Variants in CSNK1D observed in about 807,000 individuals in gnomAD.
CSNK1D encodes the protein casein kinase 1 delta.
A neutral mutation model predicts 46.6 loss-of-function variants in CSNK1D; 16 were observed. The ratio of observed to expected loss-of-function variants is 0.34; its 90% CI spans 0.23 to 0.52. CSNK1D has a LOEUF of 0.52. Among genes scored for constraint, CSNK1D ranks in the 20% least tolerant of loss-of-function variants. The pLI, the probability that CSNK1D is intolerant of heterozygous loss-of-function variation, is 0.95. For synonymous variants in CSNK1D, 276 were observed against 228.2 expected (o/e 1.21, Z -1.89); for missense variants, 398 against 578.4 (o/e 0.69, Z 3.20).
At chr17:82,259,648 T>C (rs1406900383) in intron 2 of CSNK1D, among the ~76,000 whole-genome samples, 1 of 152,252 alleles carries the variant, frequency 6.6e-6, no homozygotes, top group African/African-American at 2.4e-5. Flanking sequence ...ACAAAAGCAC[T>C]GTCCCTAACA....
chr17:82,247,631 A>G, intron 8 of CSNK1D: 4 of 985,470 alleles, frequency 4.1e-6, no homozygotes, highest in Non-Finnish European at 4.8e-6. Context: ...GGAACTGCTC[A>G]CAGGAACTGA....
At position 82,251,549 on chromosome 17, in the gene CSNK1D, G is replaced by A. The variant is rs2051009109; in HGVS notation, c.737-22C>T. ...TCGGCTACAAAACAAGAAACTCAAA[G>A]CTAACTCATGAAACCCAACTGCGAC... On this transcript the variant is annotated intron_variant, in intron 5 of 8. Coordinates refer to ENST00000314028, the MANE Select transcript of CSNK1D (RefSeq NM_001893.6). This position sits in a 1 kb window ranked among gnomAD's most constrained non-coding sequence, Gnocchi z 4.5. The A allele has an allele frequency of 6.2e-7, 1 of 1,613,300 alleles. No individual in the cohort carries two copies. The highest frequency in any genetic ancestry group is 1.3e-5 in the African/African-American group (1 of 74,868).
intron 1 of CSNK1D, among the ~76,000 whole-genome samples, chr17:82,267,329 G>T (rs975732559): frequency 5.3e-5 from 8 of 152,268 alleles, no homozygotes; most frequent in African/African-American, 1.7e-4. Flanking sequence ...TTTAAGATAA[G>T]GTTCCCTGAT....
Position 82,250,921 on chromosome 17 carries a change from G to A in CSNK1D, c.885+458C>T, listed in dbSNP as rs528142087. Reference sequence around the variant, plus strand: ...AGAGGCTCCACTGCATACTCACACCGCATCAAGAAAGCCACAGGGAAAATC... The same window carrying A: ...AGAGGCTCCACTGCATACTCACACCACATCAAGAAAGCCACAGGGAAAATC... On this transcript the variant is annotated intron_variant, in intron 6 of 8. Transcript: ENST00000314028. This position sits in a 1 kb window ranked among gnomAD's most constrained non-coding sequence, Gnocchi z 4.6. 8 of 250,406 alleles carry A rather than the reference G, an allele frequency of 3.2e-5. 1 individual carries two copies. The highest frequency in any genetic ancestry group is 2.1e-4 in the East Asian group (2 of 9,698). 15.5% of individuals were successfully genotyped at this position (250,406 alleles called of 1,614,324 possible). A position where few individuals can be genotyped will look rare whatever the true frequency, so the allele number is the denominator to read the frequency against.
chr17:82,244,005 C>G lies in CSNK1D; in HGVS notation c.*776G>C. On this transcript the variant is annotated 3_prime_UTR_variant, in exon 9 of 9. Coordinates refer to ENST00000314028, the MANE Select transcript of CSNK1D (RefSeq NM_001893.6). Reference sequence around the variant, plus strand: ...TTGCCTGGTAACACCCACTGCACCCCTGCCCCGCGGCAGCCTGCGGTCCCT... The same window carrying G: ...TTGCCTGGTAACACCCACTGCACCCGTGCCCCGCGGCAGCCTGCGGTCCCT... The G allele has an allele frequency of 1.0e-6, 1 of 987,272 alleles. No homozygotes were observed. Among genetic ancestry groups the G allele is most frequent in the Non-Finnish European group, 1.2e-6 (1 of 831,142 alleles). 61.2% of individuals were successfully genotyped at this position (987,272 alleles called of 1,614,324 possible). A position where few individuals can be genotyped will look rare whatever the true frequency, so the allele number is the denominator to read the frequency against.
At position 82,273,593 on chromosome 17, in the gene CSNK1D, C is replaced by G. The variant is rs1182412526; in HGVS notation, c.-212G>C. The G allele has an allele frequency of 6.8e-6, 4 of 588,482 alleles. No individual in the cohort carries two copies. In the Admixed American group the frequency reaches 9.6e-5, roughly 14 times the overall value. The allele number at this position is 588,482 out of a possible 1,614,324, so 36.5% of individuals were successfully genotyped here. ...CAGTCCGAGCGCCGCCGCCGCTGCT[C>G]CGGCCCCTACCGGTCCCGCTTGCCC... On this transcript the variant is annotated 5_prime_UTR_variant, in exon 1 of 9. Transcript: ENST00000314028. This position sits in a 1 kb window ranked among gnomAD's most constrained non-coding sequence, Gnocchi z 5.1.
intron 3 of CSNK1D, among the ~76,000 whole-genome samples, chr17:82,254,957 G>C (rs111240879): frequency 3.2e-4 from 44 of 136,818 alleles, no homozygotes; most frequent in African/African-American, 1.0e-3. Context: ...ACAAGCCAGT[G>C]AGCTGAGCCG....
At chr17:82,247,759 CCT>C (rs1318776166) in intron 8 of CSNK1D, 1 of 985,308 alleles carries the variant, frequency 1.0e-6, no homozygotes, top group African/African-American at 1.7e-5. Flanking sequence ...AGCCCAGACC[CCT>C]CGAGCCCAAT....
Position 82,243,018 on chromosome 17 carries a change from G to T in CSNK1D, c.*1763C>A. ...GGGGGACGTCTACCTTCAAGAAGGG[G>T]TCCAGCAACAAAGAAAATCTCTTAA... On this transcript the variant is annotated 3_prime_UTR_variant, in exon 9 of 9. Transcript: ENST00000314028. The T allele has an allele frequency of 1.0e-6, 1 of 985,454 alleles. No homozygotes were observed. The highest frequency in any genetic ancestry group is 1.2e-6 in the Non-Finnish European group (1 of 829,948). 61.0% of individuals were successfully genotyped at this position (985,454 alleles called of 1,614,324 possible).
Position 82,249,226 on chromosome 17 carries a change from G to T in CSNK1D, c.1057+205C>A. On this transcript the variant is annotated intron_variant, in intron 7 of 8. Coordinates refer to ENST00000314028, the MANE Select transcript of CSNK1D (RefSeq NM_001893.6). This position sits in a 1 kb window ranked among gnomAD's most constrained non-coding sequence, Gnocchi z 6.7. ...AGGGGCTCACAGGGGAGGAACGTGA[G>T]ATGCGGGAGGAATCACGCACACCAG... The T allele has an allele frequency of 1.3e-6, 1 of 757,776 alleles. No homozygotes were observed. 46.9% of individuals were successfully genotyped at this position (757,776 alleles called of 1,614,324 possible). A position where few individuals can be genotyped will look rare whatever the true frequency, so the allele number is the denominator to read the frequency against.
chr17:82,249,004 G>A lies in CSNK1D; in HGVS notation c.1068C>T (p.Ser356=), dbSNP rs1369765801. Residue 356 remains serine, a synonymous_variant, in exon 8 of 9, where the codon TCC becomes TCT. Coordinates refer to ENST00000314028, the MANE Select transcript of CSNK1D (RefSeq NM_001893.6). The surrounding 1 kb of genome is among the most constrained non-coding windows in gnomAD (Gnocchi z 6.7). ...TCTCCATGCCGGAGACGGGCCGGGG[G>A]GAGGTGTTAGCTGAGGACAGGGAGA... ...LTPTSHTANT[S]PRPVSGMERE... 30 of 1,560,342 alleles carry A rather than the reference G, an allele frequency of 1.9e-5. No individual in the cohort carries two copies. Among genetic ancestry groups the A allele is most frequent in the Non-Finnish European group, 2.6e-5 (30 of 1,151,372 alleles).
downstream of CSNK1D, among the ~76,000 whole-genome samples, chr17:82,240,690 G>C (rs2050730617): frequency 6.6e-6 from 1 of 152,202 alleles, no homozygotes; most frequent in Non-Finnish European, 1.5e-5. Flanking sequence ...ACACAAAGTA[G>C]CCAGGCAGTG....
In CSNK1D at chr17:82,250,036, G is replaced by T; in HGVS notation, c.886-434C>A. On this transcript the variant is annotated intron_variant, in intron 6 of 8. Coordinates refer to ENST00000314028, the MANE Select transcript of CSNK1D (RefSeq NM_001893.6). The surrounding 1 kb of genome is among the most constrained non-coding windows in gnomAD (Gnocchi z 4.6). Reference sequence around the variant, plus strand: ...GGGATGAGAGCGTTTGGTCGGACGAGGAGTACACTCAGGGTCCGGACCCTG... The same window carrying T: ...GGGATGAGAGCGTTTGGTCGGACGATGAGTACACTCAGGGTCCGGACCCTG... 1 of 1,260,650 alleles carries T rather than the reference G, an allele frequency of 7.9e-7. No homozygotes were observed. The highest frequency in any genetic ancestry group is 1.3e-5 in the South Asian group (1 of 77,240). The allele number at this position is 1,260,650 out of a possible 1,614,324, so 78.1% of individuals were successfully genotyped here. A position where few individuals can be genotyped will look rare whatever the true frequency, so the allele number is the denominator to read the frequency against.
At chr17:82,272,752 G>C (rs1168305734) in intron 1 of CSNK1D, among the ~76,000 whole-genome samples, 1 of 152,294 alleles carries the variant, frequency 6.6e-6, no homozygotes, top group East Asian at 1.9e-4. Context: ...CAAGACACCG[G>C]GGCAGCCTCT....
chr17:82,252,385 T>C lies in CSNK1D; in HGVS notation c.736+49A>G, dbSNP rs1349157162. 5.0e-6 allele frequency: 8 copies of C among 1,607,210 alleles called. No homozygotes were observed. The highest frequency in any genetic ancestry group is 1.3e-5 in the African/African-American group (1 of 74,778). On this transcript the variant is annotated intron_variant, in intron 5 of 8. Transcript: ENST00000314028. The surrounding 1 kb of genome is among the most constrained non-coding windows in gnomAD (Gnocchi z 4.6). ...GCCGTCTCGGCACACCCGACACATA[T>C]GCAACCCCTGTGAGCAGCTCCGCTG...
chr17:82,267,645 G>A (rs114320911), intron 1 of CSNK1D, among the ~76,000 whole-genome samples: 1,544 of 152,316 alleles, frequency 0.01, 26 homozygotes, highest in African/African-American at 0.035. Context: ...CAAGAGAAAT[G>A]ACTTCATCGA....
At position 82,247,517 on chromosome 17, in the gene CSNK1D, G is replaced by A. The variant is rs7501982; in HGVS notation, c.1197+1358C>T. On this transcript the variant is annotated intron_variant, in intron 8 of 8. Coordinates refer to ENST00000314028, the MANE Select transcript of CSNK1D (RefSeq NM_001893.6). ...CGCTGGGGCGAGGCTGTCCAAGTCC[G>A]GTCAGCACCCAGCATGGGGAGCACT... The A allele has an allele frequency of 3.4e-3, 3,398 of 985,448 alleles. 117 individuals are homozygous for A. In the African/African-American group the frequency reaches 0.056, roughly 16 times the overall value. 61.0% of individuals were successfully genotyped at this position (985,448 alleles called of 1,614,324 possible).
In CSNK1D at chr17:82,273,328, G is replaced by A; in HGVS notation, c.54C>T (p.Gly18=). The A allele has an allele frequency of 1.2e-6, 2 of 1,609,712 alleles. No homozygotes were observed. The highest frequency in any genetic ancestry group is 2.2e-5 in the South Asian group (2 of 90,904). Residue 18 remains glycine (G), a synonymous_variant, in exon 1 of 9, where the codon GGC becomes GGT. Coordinates refer to ENST00000314028, the MANE Select transcript of CSNK1D (RefSeq NM_001893.6). The surrounding 1 kb of genome is among the most constrained non-coding windows in gnomAD (Gnocchi z 5.1). ...RYRLGRKIGS[G]SFGDIYLGTD... ...CACCGAGATAGATGTCTCCGAAGGA[G>A]CCGCTGCCGATCTTCCGGCCCAGCC...
chr17:82,243,079 T>C lies in CSNK1D; in HGVS notation c.*1702A>G. On this transcript the variant is annotated 3_prime_UTR_variant, in exon 9 of 9. Transcript: ENST00000314028. ...ACCCACCCCAACCTCCCTCTGTACT[T>C]CAACACACAGCTCCCACCCGCTCAA... 4 of 985,374 alleles carry C rather than the reference T, an allele frequency of 4.1e-6. No individual in the cohort carries two copies. The highest frequency in any genetic ancestry group is 4.8e-6 in the Non-Finnish European group (4 of 829,930). The allele number at this position is 985,374 out of a possible 1,614,324, so 61.0% of individuals were successfully genotyped here.
Sources: gnomAD v4.1 joint callset for allele counts (sites outside exome capture counted in the v4.1 genomes callset) on GRCh38, gnomAD v4.1.1 for gene constraint, Gnocchi (gnomAD v3.1) non-coding constraint, MANE v1.5 for transcripts, NCBI Gene and HGNC (gene_info 2026-07-23, HGNC 2026-07-21) for gene names.